NLRP3: variants seen among roughly 807,000 people sequenced by gnomAD.
The protein encoded by NLRP3 is NLR family pyrin domain containing 3.
Under a neutral mutation model 91.3 loss-of-function variants are expected in NLRP3, and 48 were observed. The ratio of observed to expected loss-of-function variants is 0.53; its 90% confidence interval spans 0.42 to 0.67. The LOEUF (loss-of-function observed/expected upper bound fraction) is 0.67, where lower values mean the gene tolerates loss of function less well. Among genes scored for constraint, NLRP3 ranks in the 30% least tolerant of loss-of-function variants. The probability of loss-of-function intolerance (pLI) is 0.00; values close to 1 mark genes in which losing one functional copy is unlikely to be tolerated. For missense variants in NLRP3, 982 were observed against 1,276.9 expected, an observed-to-expected ratio of 0.77 and a Z score of 3.52; for synonymous variants, 561 against 507.9, an observed-to-expected ratio of 1.10 and a Z score of -1.41.
rs114382563 is a variant in NLRP3, at chr1:247,434,386, G to A, written c.2492+113G>A. 1,915 of 1,093,816 alleles carry A rather than the reference G, an allele frequency of 1.8e-3. 22 individuals are homozygous for A. The African/African-American group carries it at 0.026, about 15-fold the overall frequency. 67.8% of individuals were successfully genotyped at this position (1,093,816 alleles called of 1,614,324 possible). Reference sequence around the variant, plus strand: ...TGAGTGAGAATGGCCTTGGCGGCTCGGGTGACTGCGTGTGCTTGTCTTGGG... The same window carrying A: ...TGAGTGAGAATGGCCTTGGCGGCTCAGGTGACTGCGTGTGCTTGTCTTGGG... On this transcript the variant is annotated intron_variant, in intron 6 of 9. Coordinates refer to ENST00000336119, the MANE Select transcript of NLRP3 (RefSeq NM_001243133.2).
intron 7 of NLRP3, among the ~76,000 whole-genome samples, chr1:247,437,380 A>G (rs762314688): frequency 1.3e-5 from 2 of 152,238 alleles, no homozygotes; most frequent in Non-Finnish European, 2.9e-5. Context: ...CCACTAATCC[A>G]TAATTAACAA....
intron 4 of NLRP3, among the ~76,000 whole-genome samples, chr1:247,426,804 G>A (rs751149335): frequency 3.3e-5 from 5 of 152,184 alleles, no homozygotes; most frequent in Admixed American, 6.5e-5. Context: ...TCACCAGCGG[G>A]GCACGGGTGG....
chr1:247,428,737 T>C (rs1027430479), intron 4 of NLRP3, among the ~76,000 whole-genome samples: 2 of 152,142 alleles, frequency 1.3e-5, no homozygotes, highest in Admixed American at 1.3e-4. Context: ...AGAGGATTGC[T>C]TGAGCCCAGG....
chr1:247,436,223 T>C, intron 7 of NLRP3, 83 bp downstream of exon 7: 1 of 1,404,214 alleles, frequency 7.1e-7, no homozygotes, highest in South Asian at 1.2e-5. Flanking sequence ...GGGGTTACTT[T>C]GGTCAGGCAG....
Position 247,425,525 on chromosome 1 carries a change from G to A in NLRP3, c.2076G>A (p.Glu692=), listed in dbSNP as rs1339015167. The A allele has an allele frequency of 6.2e-7, 1 of 1,613,790 alleles. No individual in the cohort carries two copies. The highest frequency in any genetic ancestry group is 8.5e-7 in the Non-Finnish European group (1 of 1,180,028). Residue 692 remains glutamate, a synonymous_variant, in exon 4 of 10, where the codon GAG becomes GAA. Coordinates refer to ENST00000336119, the MANE Select transcript of NLRP3 (RefSeq NM_001243133.2). This position sits in a 1 kb window ranked among gnomAD's most constrained non-coding sequence, Gnocchi z 4.1. ...LHNMPKEEEE[E]EKEGRHLDMV... ...ACATGCCCAAGGAGGAAGAGGAGGAGGAAAAGGAAGGCCGACACCTTGATA... is the reference window on the plus strand; with the variant it reads ...ACATGCCCAAGGAGGAAGAGGAGGAAGAAAAGGAAGGCCGACACCTTGATA...
intron 4 of NLRP3, among the ~76,000 whole-genome samples, chr1:247,426,498 G>A (rs1357785460): frequency 6.6e-6 from 1 of 152,194 alleles, no homozygotes; most frequent in African/African-American, 2.4e-5. Flanking sequence ...GACACTTGAC[G>A]TGGGGCAAAA....
At chr1:247,430,279 G>A (rs1352435611) in intron 5 of NLRP3, among the ~76,000 whole-genome samples, 2 of 152,186 alleles carry the variant, frequency 1.3e-5, no homozygotes, top group Admixed American at 1.3e-4. Flanking sequence ...AGATCAAGGT[G>A]TCAGCAGGGT....
Position 247,419,068 on chromosome 1 carries a change from C to A in NLRP3, c.268C>A (p.Pro90Thr), listed in dbSNP as rs1395644058. ...TTATGAGAAAGCAAAAAGAGATGAG[C>A]CGAAGTGGGGTGAGTGGAAGGAAGA... ...DLYEKAKRDE[P>T]KWGSDNARVS... The change falls in exon 2 of 10, where the codon CCG (proline) becomes ACG (threonine). Residue 90 changes from proline to threonine, a missense_variant. Pro to Thr is a conservative substitution (Grantham distance 38). Around this residue, in one of 5 missense-constraint regions of NLRP3, gnomAD observed 548 missense variants for 713.7 expected, o/e 0.77. Transcript: ENST00000336119. The A allele has an allele frequency of 1.2e-6, 2 of 1,610,306 alleles. No individual in the cohort carries two copies. Among genetic ancestry groups the A allele is most frequent in the African/African-American group, 1.3e-5 (1 of 74,850 alleles).
intron 4 of NLRP3, among the ~76,000 whole-genome samples, chr1:247,426,488 G>A (rs1662896590): frequency 6.6e-6 from 1 of 152,222 alleles, no homozygotes. Context: ...CTGGATAGAA[G>A]ACACTTGACG....
At chr1:247,445,006 C>T (rs1664499196) in intron 9 of NLRP3, among the ~76,000 whole-genome samples, 185 bp downstream of exon 9, 1 of 152,190 alleles carries the variant, frequency 6.6e-6, no homozygotes, top group Non-Finnish European at 1.5e-5. Flanking sequence ...TTCCACTTCA[C>T]TGAGATGGTT....
rs764753476 is a variant in NLRP3, at chr1:247,434,124, G to A, written c.2343G>A (p.Ser781=). ...RRLWLGRCGL[S]HECCFDISLV... Reference sequence around the variant, plus strand: ...GAAGGTTGGGGCGCTGTGGCCTCTCGCATGAGTGCTGCTTCGACATCTCCT... The same window carrying A: ...GAAGGTTGGGGCGCTGTGGCCTCTCACATGAGTGCTGCTTCGACATCTCCT... Residue 781 remains serine, a synonymous_variant, in exon 6 of 10, where the codon TCG becomes TCA. Coordinates refer to ENST00000336119, the MANE Select transcript of NLRP3 (RefSeq NM_001243133.2). 5.4e-5 allele frequency: 87 copies of A among 1,614,028 alleles called. 2 individuals are homozygous for A. The Admixed American group carries it at 5.5e-4, about 10-fold the overall frequency.
intron 7 of NLRP3, among the ~76,000 whole-genome samples, chr1:247,442,928 ATTTAT>A (rs898438958): frequency 1.3e-5 from 2 of 151,852 alleles, no homozygotes; most frequent in African/African-American, 4.8e-5. Flanking sequence ...GGCTTTTTCT[ATTTAT>A]TTATTTATTT....
At chr1:247,420,954 C>T (rs1312347777) in intron 2 of NLRP3, among the ~76,000 whole-genome samples, 1 of 152,180 alleles carries the variant, frequency 6.6e-6, no homozygotes, top group African/African-American at 2.4e-5. Context: ...ATGTTTTGTC[C>T]AGTATCTGCT....
Position 247,420,019 on chromosome 1 carries a change from T to C in NLRP3, c.277+942T>C, listed in dbSNP as rs77456787. Among the ~76,000 whole-genome samples the C allele has an allele frequency of 3.8e-3, 582 of 152,360 alleles. 5 individuals are homozygous for C. Among genetic ancestry groups the C allele is most frequent in the African/African-American group, 0.012 (516 of 41,582 alleles). On this transcript the variant is annotated intron_variant, in intron 2 of 9. Coordinates refer to ENST00000336119, the MANE Select transcript of NLRP3 (RefSeq NM_001243133.2). ...TGTTTTAGATACCATCTGCACCATT[T>C]CCCACCAACAGCACACAAGGGTTCC...
rs1379403157 is a variant in NLRP3 at position 247,448,455 on chromosome 1, T to C, written c.3056T>C (p.Leu1019Pro). The C allele has an allele frequency of 2.5e-6, 4 of 1,613,842 alleles. No homozygotes were observed. The highest frequency in any genetic ancestry group is 3.3e-5 in the Admixed American group (2 of 60,020). The change falls in exon 10 of 10, where the codon CTT (leucine) becomes CCT (proline). Residue 1019 changes from leucine (L) to proline (P), a missense_variant. By Grantham distance (98) the Leu-to-Pro change is moderately conservative. Transcript: ENST00000336119. ...NYETKSALET[L>P]QEEKPELTVV... ...GAGACAAAAAGTGCGTTAGAAACAC[T>C]TCAAGAAGAAAAGCCTGAGCTGACC...
rs1664763914 is a variant in NLRP3, at chr1:247,448,726, GTGT to G, written c.*229_*231del. ...GACACCAGGACAATGACAGCATCGGGTGTTGTTGTCATCACAGCGCCTCAGTTA... is the reference window on the plus strand; with the variant it reads ...GACACCAGGACAATGACAGCATCGGGTGTTGTCATCACAGCGCCTCAGTTA... On this transcript the variant is annotated 3_prime_UTR_variant, in exon 10 of 10. Coordinates refer to ENST00000336119, the MANE Select transcript of NLRP3 (RefSeq NM_001243133.2). 5.0e-6 allele frequency: 3 copies of G among 597,824 alleles called. No homozygotes were observed. The highest frequency in any genetic ancestry group is 1.9e-5 in the South Asian group (1 of 53,670). The allele number at this position is 597,824 out of a possible 1,614,324, so 37.0% of individuals were successfully genotyped here. A position where few individuals can be genotyped will look rare whatever the true frequency, so the allele number is the denominator to read the frequency against.
At position 247,448,532 on chromosome 1, in the gene NLRP3, G is replaced by GC. The variant is rs1310110352; in HGVS notation, c.*28_*29insC. 7.3e-7 allele frequency: 1 copy of GC among 1,365,600 alleles called. No individual in the cohort carries two copies. Among genetic ancestry groups the GC allele is most frequent in the East Asian group, 2.3e-5 (1 of 43,752 alleles). 84.6% of individuals were successfully genotyped at this position (1,365,600 alleles called of 1,614,324 possible). ...GTGGAAACGGGGCTGCCAGACGCCA[G>GC]TGTTCTCCGGTCCCTCCAGCTGGGG... On this transcript the variant is annotated 3_prime_UTR_variant, in exon 10 of 10. Coordinates refer to ENST00000336119, the MANE Select transcript of NLRP3 (RefSeq NM_001243133.2).
intron 7 of NLRP3, among the ~76,000 whole-genome samples, chr1:247,438,971 C>T (rs1290670964): frequency 6.6e-6 from 1 of 151,768 alleles, no homozygotes; most frequent in Admixed American, 6.6e-5. Flanking sequence ...TTCATCTGTC[C>T]ATCCATCCAT....
At chr1:247,419,241 A>G (rs1167639560) in intron 2 of NLRP3, among the ~76,000 whole-genome samples, 164 bp downstream of exon 2, 1 of 150,262 alleles carries the variant, frequency 6.7e-6, no homozygotes, top group Non-Finnish European at 1.5e-5. Flanking sequence ...TGCAACCTCC[A>G]CCTCCCGGGT....
Sources: allele counts gnomAD v4.1 joint callset (sites outside exome capture counted in the v4.1 genomes callset), GRCh38; gene constraint gnomAD v4.1.1; regional missense constraint gnomAD v4.1.1; non-coding constraint Gnocchi (gnomAD v3.1); transcripts MANE v1.5; gene names NCBI Gene and HGNC (gene_info 2026-07-23, HGNC 2026-07-21).